Variants in CCSER2 observed in about 807,000 individuals in gnomAD.
The protein encoded by CCSER2 is coiled-coil serine rich protein 2.
A neutral mutation model predicts 92.3 loss-of-function variants in CCSER2; 46 were observed. That is an observed-to-expected ratio of 0.50 (90% CI 0.39 to 0.64). The LOEUF (loss-of-function observed/expected upper bound fraction) is 0.64. CCSER2 is among the 30% of genes least tolerant of loss of function. The pLI, the probability that CCSER2 is intolerant of heterozygous loss-of-function variation, is 0.00. For missense variants in CCSER2, 1,244 were observed against 1,238.9 expected (o/e 1.00, Z -0.06); for synonymous variants, 433 against 431.4 (o/e 1.00, Z -0.04).
intron 8 of CCSER2, among the ~76,000 whole-genome samples, chr10:84,473,899 C>CT (rs1846971067): frequency 6.6e-6 from 1 of 152,058 alleles, no homozygotes; most frequent in Non-Finnish European, 1.5e-5. Context: ...GCCTTCTATG[C>CT]TTTTTTATCT....
At chr10:84,457,656 T>TA (rs1845845066) in intron 6 of CCSER2, among the ~76,000 whole-genome samples, 6 of 106,224 alleles carry the variant, frequency 5.6e-5, no homozygotes, top group Admixed American at 3.0e-4. Context: ...TATAATTATA[T>TA]TATTTTTAAT....
chr10:84,431,111 ATATTT>A (rs1230887889), intron 5 of CCSER2, among the ~76,000 whole-genome samples: 1 of 152,142 alleles, frequency 6.6e-6, no homozygotes, highest in Non-Finnish European at 1.5e-5. Context: ...GTCAATATTG[ATATTT>A]TATTATTAAC....
At chr10:84,330,387 G>A (rs7094933) in intron 1 of CCSER2, among the ~76,000 whole-genome samples, 1 of 152,132 alleles carries the variant, frequency 6.6e-6, no homozygotes, top group African/African-American at 2.4e-5. Flanking sequence ...TACGAAAGTA[G>A]CACTTCTGAG....
intron 1 of CCSER2, among the ~76,000 whole-genome samples, chr10:84,338,925 G>A (rs1482261979): frequency 6.6e-6 from 1 of 151,954 alleles, no homozygotes; most frequent in East Asian, 1.9e-4. Flanking sequence ...TTTAGTGTTG[G>A]AGCATCATTA....
At chr10:84,512,073 T>G (rs1413182863) in intron 9 of CCSER2, among the ~76,000 whole-genome samples, 2 of 152,052 alleles carry the variant, frequency 1.3e-5, no homozygotes, top group Non-Finnish European at 2.9e-5. Flanking sequence ...CCTCCATGAG[T>G]TGATGAGCCT....
intron 3 of CCSER2, among the ~76,000 whole-genome samples, chr10:84,411,697 G>A (rs1039647803): frequency 6.6e-6 from 1 of 152,198 alleles, no homozygotes; most frequent in Non-Finnish European, 1.5e-5. Flanking sequence ...ATCAGTTTAA[G>A]AAGCTTTGGG....
chr10:84,461,346 A>T (rs1356559096), intron 6 of CCSER2, among the ~76,000 whole-genome samples: 1 of 152,156 alleles, frequency 6.6e-6, no homozygotes, highest in African/African-American at 2.4e-5. Context: ...TCTTTCACCA[A>T]ATTCGGGGTG....
chr10:84,513,294 T>C (rs1849461330), intron 9 of CCSER2, among the ~76,000 whole-genome samples, 155 bp from the exon 10 acceptor site: 1 of 152,238 alleles, frequency 6.6e-6, no homozygotes. Flanking sequence ...TCTAATTTGC[T>C]TGAATATTGC....
At chr10:84,403,361 C>T (rs1392773272) in intron 3 of CCSER2, among the ~76,000 whole-genome samples, 1 of 151,998 alleles carries the variant, frequency 6.6e-6, no homozygotes. Context: ...AGAAGAAAAT[C>T]GTTAGGAACT....
At chr10:84,479,372 A>G (rs879764804) in intron 9 of CCSER2, among the ~76,000 whole-genome samples, 1 of 152,216 alleles carries the variant, frequency 6.6e-6, no homozygotes, top group Non-Finnish European at 1.5e-5. Flanking sequence ...AAGCACATTG[A>G]AGAGCCTTTG....
chr10:84,450,337 C>T (rs1475816), intron 6 of CCSER2, among the ~76,000 whole-genome samples: 129,926 of 152,238 alleles, frequency 0.85, 55,516 homozygotes, highest in East Asian at 0.9. Flanking sequence ...GGACATCACA[C>T]GTAATAAGGA....
At chr10:84,502,957 G>C (rs1589830182) in intron 9 of CCSER2, among the ~76,000 whole-genome samples, 2 of 151,758 alleles carry the variant, frequency 1.3e-5, no homozygotes, top group African/African-American at 4.8e-5. Context: ...AGGCGCGGTG[G>C]CTCACGCCTG....
At chr10:84,347,294 C>T (rs983254619) in intron 1 of CCSER2, among the ~76,000 whole-genome samples, 3 of 152,206 alleles carry the variant, frequency 2.0e-5, no homozygotes, top group Admixed American at 6.5e-5. Context: ...CTGTTGGGTA[C>T]ACCTCCTAGA....
At chr10:84,471,489 T>C (rs1438043495) in intron 8 of CCSER2, among the ~76,000 whole-genome samples, 1 of 152,144 alleles carries the variant, frequency 6.6e-6, no homozygotes, top group Non-Finnish European at 1.5e-5. Context: ...TTGTGTCTTG[T>C]GCAATTCAGA....
At chr10:84,412,066 T>G (rs1038513864) in intron 3 of CCSER2, among the ~76,000 whole-genome samples, 1 of 152,222 alleles carries the variant, frequency 6.6e-6, no homozygotes, top group Non-Finnish European at 1.5e-5. Flanking sequence ...ATTGAGATAG[T>G]CATGTGGTTT....
At chr10:84,444,608 C>G (rs970629550) in intron 6 of CCSER2, among the ~76,000 whole-genome samples, 2 of 152,042 alleles carry the variant, frequency 1.3e-5, no homozygotes, top group African/African-American at 4.8e-5. Flanking sequence ...TAGAAGATAC[C>G]TTGAGGGACA....
At chr10:84,478,004 A>C (rs1034897449) in intron 9 of CCSER2, among the ~76,000 whole-genome samples, 1 of 152,200 alleles carries the variant, frequency 6.6e-6, no homozygotes, top group African/African-American at 2.4e-5. Flanking sequence ...ATCCCACTTT[A>C]GCAGCATATG....
chr10:84,456,860 CTG>C (rs1362306701), intron 6 of CCSER2, among the ~76,000 whole-genome samples: 1 of 151,382 alleles, frequency 6.6e-6, no homozygotes, highest in African/African-American at 2.4e-5. Flanking sequence ...TTTCATATGA[CTG>C]TTTGCCATTT....
intron 5 of CCSER2, among the ~76,000 whole-genome samples, chr10:84,426,901 C>G (rs1318474788): frequency 1.3e-5 from 2 of 152,102 alleles, no homozygotes; most frequent in Admixed American, 1.3e-4. Flanking sequence ...CAACTGTGTT[C>G]CTTGGATGTC....
Sources: gnomAD v4.1 joint callset for allele counts (sites outside exome capture counted in the v4.1 genomes callset) on GRCh38, gnomAD v4.1.1 for gene constraint, MANE v1.5 for transcripts, NCBI Gene and HGNC (gene_info 2026-07-23, HGNC 2026-07-21) for gene names.